The following TENT2 variants were observed in gnomAD, a reference collection of about 807,000 sequenced individuals.
TENT2 encodes poly(A) RNA polymerase GLD2.
Under a neutral mutation model 72.2 loss-of-function variants are expected in TENT2, and 44 were observed. The ratio of observed to expected loss-of-function variants is 0.61; its 90% CI spans 0.48 to 0.78. TENT2 has a LOEUF of 0.78. Among genes scored for constraint, TENT2 ranks in the 30% least tolerant of loss-of-function variants. TENT2 has a pLI of 0.00. For missense variants in TENT2, 541 were observed against 569.6 expected, an observed-to-expected ratio of 0.95 and a Z score of 0.51; for synonymous variants, 212 against 192.5, an observed-to-expected ratio of 1.10 and a Z score of -0.84.
At chr5:79,666,850 G>A (rs1808528750) in intron 11 of TENT2, among the ~76,000 whole-genome samples, 4 of 152,144 alleles carry the variant, frequency 2.6e-5, no homozygotes, top group African/African-American at 9.7e-5. Flanking sequence ...GGGATTACAA[G>A]CTTGAGCCAC....
chr5:79,665,867 T>G (rs1003199595), intron 11 of TENT2, among the ~76,000 whole-genome samples: 3 of 152,196 alleles, frequency 2.0e-5, no homozygotes, highest in African/African-American at 7.2e-5. Flanking sequence ...TTATGTACTT[T>G]CTAAAATATT....
chr5:79,648,132 C>T (rs919689643), intron 8 of TENT2, among the ~76,000 whole-genome samples: 1 of 151,890 alleles, frequency 6.6e-6, no homozygotes, highest in African/African-American at 2.4e-5. Flanking sequence ...TTTTGTTTAT[C>T]TGGAAACTTG....
At chr5:79,617,261 T>G (rs1327800194) in intron 1 of TENT2, among the ~76,000 whole-genome samples, 1 of 151,576 alleles carries the variant, frequency 6.6e-6, no homozygotes, top group African/African-American at 2.4e-5. Flanking sequence ...AACACAAATG[T>G]ATAAGGTAGT....
At chr5:79,618,453 T>A (rs1762185088) in intron 1 of TENT2, among the ~76,000 whole-genome samples, 1 of 152,098 alleles carries the variant, frequency 6.6e-6, no homozygotes, top group Non-Finnish European at 1.5e-5. Flanking sequence ...AGGCTAGTCT[T>A]GAACTCCTGA....
intron 3 of TENT2, among the ~76,000 whole-genome samples, chr5:79,621,318 T>A (rs2149950000): frequency 6.6e-6 from 1 of 152,360 alleles, no homozygotes; most frequent in South Asian, 2.1e-4. Context: ...TGTATGTCTC[T>A]GAGTCATATG....
At chr5:79,657,571 A>G (rs1798823181) in intron 11 of TENT2, among the ~76,000 whole-genome samples, 1 of 152,058 alleles carries the variant, frequency 6.6e-6, no homozygotes, top group Admixed American at 6.5e-5. Flanking sequence ...ACTAGAAAAA[A>G]TTTAATATGT....
chr5:79,619,680 C>T lies in TENT2; in HGVS notation c.32C>T (p.Pro11Leu). The T allele has an allele frequency of 1.2e-6, 2 of 1,613,610 alleles. No individual in the cohort carries two copies. The highest frequency in any genetic ancestry group is 1.7e-6 in the Non-Finnish European group (2 of 1,179,730). Residue 11 changes from proline to leucine, a missense_variant, in exon 2 of 15, where the codon CCC becomes CTC. Physicochemically the swap from Pro to Leu is moderately conservative, Grantham distance 98. Coordinates refer to ENST00000453514, the MANE Select transcript of TENT2 (RefSeq NM_001114394.3). Reference protein sequence around the residue: MFPNSILGRPPFTPNHQQHNN... With the variant: MFPNSILGRPLFTPNHQQHNN... ...CCAAACTCAATTTTGGGTCGCCCAC[C>T]CTTCACTCCAAATCATCAACAACAT... is the stretch of plus-strand genomic sequence containing the variant.
chr5:79,638,118 A>T (rs550234013), intron 4 of TENT2, among the ~76,000 whole-genome samples: 1 of 152,204 alleles, frequency 6.6e-6, no homozygotes, highest in Non-Finnish European at 1.5e-5. Context: ...CTTACATAGT[A>T]TTCAGAAATA....
At chr5:79,678,569 G>T (rs749052287) in intron 12 of TENT2, among the ~76,000 whole-genome samples, 1 of 151,994 alleles carries the variant, frequency 6.6e-6, no homozygotes, top group Non-Finnish European at 1.5e-5. Context: ...AAAATGTAAA[G>T]TTAGTATGTA....
chr5:79,648,076 A>G (rs145617890), intron 8 of TENT2, among the ~76,000 whole-genome samples: 3 of 152,304 alleles, frequency 2.0e-5, no homozygotes, highest in East Asian at 3.9e-4. Flanking sequence ...TTGAGAGTGT[A>G]TAACTTAATG....
chr5:79,615,793 A>C (rs1187632732), intron 1 of TENT2, among the ~76,000 whole-genome samples: 1 of 151,060 alleles, frequency 6.6e-6, no homozygotes, highest in African/African-American at 2.4e-5. Flanking sequence ...GCTCACTCCA[A>C]CCTCCGTCTC....
At chr5:79,685,007 G>A (rs1212959353) in intron 14 of TENT2, among the ~76,000 whole-genome samples, 192 bp from the exon 15 acceptor site, 3 of 152,124 alleles carry the variant, frequency 2.0e-5, no homozygotes, top group East Asian at 1.9e-4. Context: ...GTAGTGAGCC[G>A]AGATTGCACC....
At chr5:79,618,594 G>GT (rs565501903) in intron 1 of TENT2, among the ~76,000 whole-genome samples, 9,491 of 149,060 alleles carry the variant, frequency 0.064, 376 homozygotes, top group South Asian at 0.11. Context: ...ATTAATCTGA[G>GT]TTTTTTTTTT....
At chr5:79,667,548 A>G (rs984339345) in intron 11 of TENT2, among the ~76,000 whole-genome samples, 2 of 152,102 alleles carry the variant, frequency 1.3e-5, no homozygotes, top group African/African-American at 4.8e-5. Flanking sequence ...TTAAAATGTA[A>G]TTAATACTAC....
chr5:79,677,247 A>G (rs1817983413), intron 12 of TENT2, among the ~76,000 whole-genome samples: 1 of 152,206 alleles, frequency 6.6e-6, no homozygotes, highest in African/African-American at 2.4e-5. Context: ...AGCACTTCAA[A>G]TGATATAATC....
chr5:79,625,080 A>G (rs1297395385), intron 4 of TENT2, among the ~76,000 whole-genome samples: 1 of 152,136 alleles, frequency 6.6e-6, no homozygotes, highest in Admixed American at 6.6e-5. Flanking sequence ...TGCCTTTTTG[A>G]TTATAGCCAT....
At chr5:79,627,451 T>C (rs997426195) in intron 4 of TENT2, among the ~76,000 whole-genome samples, 5 of 152,210 alleles carry the variant, frequency 3.3e-5, no homozygotes, top group African/African-American at 1.2e-4. Context: ...GGGATTTATC[T>C]CAGAAGGCTA....
intron 12 of TENT2, among the ~76,000 whole-genome samples, chr5:79,672,926 A>T (rs1814116494): frequency 1.3e-5 from 2 of 152,178 alleles, no homozygotes; most frequent in Non-Finnish European, 2.9e-5. Flanking sequence ...TCCCACCAGC[A>T]GGGTATGAGG....
intron 4 of TENT2, among the ~76,000 whole-genome samples, chr5:79,628,870 C>G (rs941997409): frequency 3.3e-5 from 5 of 152,184 alleles, no homozygotes; most frequent in African/African-American, 1.2e-4. Flanking sequence ...TAATTGATAT[C>G]TTGGGAAATA....
Sources: allele counts gnomAD v4.1 joint callset (sites outside exome capture counted in the v4.1 genomes callset), GRCh38; gene constraint gnomAD v4.1.1; transcripts MANE v1.5; gene names NCBI Gene and HGNC (gene_info 2026-07-23, HGNC 2026-07-21).